STAT6: variants seen among roughly 807,000 people sequenced by gnomAD.
The protein encoded by STAT6 is signal transducer and activator of transcription 6.
Under a neutral mutation model 106.3 loss-of-function variants are expected in STAT6, and 45 were observed. That is an observed-to-expected ratio of 0.42 (90% confidence interval 0.33 to 0.54). The LOEUF is 0.54. STAT6 is among the 20% of genes least tolerant of loss of function. The pLI, the probability that STAT6 is intolerant of heterozygous loss-of-function variation, is 0.06. For synonymous variants in STAT6, 413 were observed against 413.6 expected, an observed-to-expected ratio of 1.00 and a Z score of 0.02; for missense variants, 797 against 1,062.2, an observed-to-expected ratio of 0.75 and a Z score of 3.47.
chr12:57,099,680 C>A lies in STAT6; in HGVS notation c.1744+87G>T. ...AGAACTTCCTGAAGATCAGGATCGG[C>A]ATCAGGAAGGTCAGGACATTTCATT... On this transcript the variant is annotated intron_variant, in intron 15 of 21. Coordinates refer to ENST00000300134, the MANE Select transcript of STAT6 (RefSeq NM_003153.5). The surrounding 1 kb of genome is among the most constrained non-coding windows in gnomAD (Gnocchi z 4.7). The A allele has an allele frequency of 2.6e-6, 4 of 1,567,690 alleles. No individual in the cohort carries two copies. Among genetic ancestry groups the A allele is most frequent in the Non-Finnish European group, 3.5e-6 (4 of 1,150,722 alleles).
intron 13 of STAT6, chr12:57,100,894 C>T (rs1171125024): frequency 2.2e-6 from 1 of 455,390 alleles, no homozygotes; most frequent in Non-Finnish European, 4.4e-6. Context: ...GCATCAGATT[C>T]CTCATCTGTA....
Position 57,108,201 on chromosome 12 carries a change from C to T in STAT6, c.78G>A (p.Leu26=), listed in dbSNP as rs150870444. Residue 26 remains leucine (L), a synonymous_variant, in exon 2 of 22, where the codon CTG becomes CTA. Transcript: ENST00000300134. ...QRLYVDFPQH[L]RHLLGDWLES... ...CCAGCCAGTCACCCAGAAGATGCCGCAGGTGTTGGGGAAAGTCGACATAGA... is the reference window on the plus strand; with the variant it reads ...CCAGCCAGTCACCCAGAAGATGCCGTAGGTGTTGGGGAAAGTCGACATAGA... 145 of 1,612,840 alleles carry T rather than the reference C, an allele frequency of 9.0e-5. No individual in the cohort carries two copies. The highest frequency in any genetic ancestry group is 4.9e-4 in the Middle Eastern group (3 of 6,062).
rs770378890 is a variant in STAT6, at chr12:57,102,917, A to G, written c.1217T>C (p.Leu406Pro). 3 of 1,571,638 alleles carry G rather than the reference A, an allele frequency of 1.9e-6. No homozygotes were observed. Among genetic ancestry groups the G allele is most frequent in the Non-Finnish European group, 2.6e-6 (3 of 1,158,342 alleles). Residue 406 changes from leucine to proline, a missense_variant, in exon 12 of 22, where the codon CTG (leucine) becomes CCG (proline). This residue lies in a region of STAT6 where 222 missense variants were observed against 354.6 expected (regional missense o/e 0.63). Transcript: ENST00000300134. ...GACGATGACCACCAGGGGCAGAGAC[A>G]GGGCCTGAAGAGGGTGAGGACAGGG... ...PGKLPIQLQA[L>P]SLPLVVIVHG... is the part of the protein sequence containing the mutation.
chr12:57,100,702 G>GAA (rs869076345), intron 13 of STAT6: 8 of 55,500 alleles, frequency 1.4e-4, no homozygotes, highest in African/African-American at 5.7e-4. Flanking sequence ...GAAAGAAAGA[G>GAA]AAAGAAAGAA....
chr12:57,108,037 A>T, intron 2 of STAT6, 126 bp downstream of exon 2: 1 of 691,208 alleles, frequency 1.4e-6, no homozygotes, highest in South Asian at 1.8e-5. Flanking sequence ...TGCTAAATCT[A>T]GGTCACTACA....
Position 57,096,959 on chromosome 12 carries a change from G to C in STAT6, c.2245C>G (p.Pro749Ala). 2.5e-6 allele frequency: 4 copies of C among 1,613,746 alleles called. No homozygotes were observed. Among genetic ancestry groups the C allele is most frequent in the Non-Finnish European group, 3.4e-6 (4 of 1,179,804 alleles). The change falls in exon 21 of 22, where the codon CCT becomes GCT. Residue 749 changes from proline (P) to alanine (A), a missense_variant. Pro to Ala is a conservative substitution (Grantham distance 27, BLOSUM62 -1). Around this residue, in one of 4 missense-constraint regions of STAT6, gnomAD observed 226 missense variants for 236.7 expected, o/e 0.95. Transcript: ENST00000300134. ...GGGCTGGACACAGCATGCTCCTGAG[G>C]CTGGCACGGCAGCAGGCCCCTGCCA... is the stretch of plus-strand genomic sequence containing the variant. ...PHPQGLLPCQ[P>A]QEHAVSSPDP...
At position 57,104,509 on chromosome 12, in the gene STAT6, A is replaced by C; in HGVS notation, c.1167T>G (p.Ser389=). The change falls in exon 11 of 22, where the codon TCT becomes TCG. Residue 389 remains serine, a synonymous_variant. Coordinates refer to ENST00000300134, the MANE Select transcript of STAT6 (RefSeq NM_003153.5). ...VTEEKCAVLF[S]ASFTLGPGKL... Reference sequence around the variant, plus strand: ...TGCCGGGGCCAAGTGTGAAGCTGGCAGAGAAGAGCACAGCGCACTTCTCCT... The same window carrying C: ...TGCCGGGGCCAAGTGTGAAGCTGGCCGAGAAGAGCACAGCGCACTTCTCCT... 6.2e-7 allele frequency: 1 copy of C among 1,613,200 alleles called. No individual in the cohort carries two copies. Among genetic ancestry groups the C allele is most frequent in the Non-Finnish European group, 8.5e-7 (1 of 1,179,740 alleles).
intron 17 of STAT6, 50 bp downstream of exon 17, chr12:57,098,965 G>C: frequency 6.2e-7 from 1 of 1,613,388 alleles, no homozygotes; most frequent in Non-Finnish European, 8.5e-7. Context: ...CCTTCCTGCA[G>C]ATAAGCACTA....
chr12:57,100,706 GAAAGAAAGAA>G (rs1262315280), intron 13 of STAT6: 600 of 45,838 alleles, frequency 0.013, 6 homozygotes, highest in South Asian at 0.017. Flanking sequence ...GAAAGAGAAA[GAAAGAAAGAA>G]AGAAAGAAAG....
chr12:57,111,115 A>AGGCAACCCCTCACCTC lies in STAT6; in HGVS notation c.-24_-22+13dup, dbSNP rs1721903466. ...ATAGAGGCCCCCGCACCCACCTCGG[A>AGGCAACCCCTCACCTC]GGCAACCCCTCACCTCGGCAACCCC... On this transcript the variant is annotated intron_variant, in intron 1 of 21. Coordinates refer to ENST00000300134, the MANE Select transcript of STAT6 (RefSeq NM_003153.5). The AGGCAACCCCTCACCTC allele has an allele frequency of 7.0e-6, 1 of 143,448 alleles. No homozygotes were observed. The allele number at this position is 143,448 out of a possible 1,614,324, so 8.9% of individuals were successfully genotyped here.
At chr12:57,102,943 GTTTCTTTTCTTTCTTTCTTTCCTTTTT>G (rs769816481) in intron 11 of STAT6, 22 bp from the exon 12 acceptor site, 4 of 1,216,250 alleles carry the variant, frequency 3.3e-6, no homozygotes, top group South Asian at 2.9e-5. Context: ...GAGGACAGGG[GTTTCTTTTCTTTCTTTCTTTCCTTTTT>G]TTTTTTTTTT....
Position 57,104,809 on chromosome 12 carries a change from T to TTTC in STAT6, c.1003_1005dup (p.Glu335dup). ...GTGTTGTTGATGATTTCTCCAGTGC[T>TTTC]TTCTCTGCCAGGGGAGGTCAGAGTG... On this transcript the variant is annotated inframe_insertion, in exon 10 of 22. Transcript: ENST00000300134. The TTTC allele has an allele frequency of 6.2e-7, 1 of 1,614,138 alleles. No homozygotes were observed. The highest frequency in any genetic ancestry group is 8.5e-7 in the Non-Finnish European group (1 of 1,180,020).
intron 4 of STAT6, 105 bp downstream of exon 4, chr12:57,107,126 A>G: frequency 7.8e-7 from 1 of 1,284,366 alleles, no homozygotes; most frequent in Non-Finnish European, 1.1e-6. Context: ...TCCTGGGCCT[A>G]GAACACTGAG....
In STAT6 at chr12:57,098,819, A is replaced by C. The variant is rs1309908098; in HGVS notation, c.2039T>G (p.Met680Arg). 3 of 1,613,636 alleles carry C rather than the reference A, an allele frequency of 1.9e-6. No individual in the cohort carries two copies. The highest frequency in any genetic ancestry group is 2.7e-5 in the African/African-American group (2 of 75,020). ...YDLGMAPDSSMSMQLGPDMVP... is the reference protein window; with the variant it reads ...YDLGMAPDSSRSMQLGPDMVP... ...CATATCTGGGCCAAGCTGCATGCTC[A>C]TGGAGGAATCAGGGGCCATTCCAAG... The change falls in exon 18 of 22, where the codon ATG (methionine) becomes AGG (arginine). Residue 680 changes from methionine (M) to arginine (R), a missense_variant. Transcript: ENST00000300134.
At chr12:57,105,017 T>C in intron 9 of STAT6, 134 bp downstream of exon 9, 1 of 1,283,306 alleles carries the variant, frequency 7.8e-7, no homozygotes, top group Non-Finnish European at 1.1e-6. Flanking sequence ...CCCTTTCCTC[T>C]GCCTTGACCA....
At chr12:57,107,369 T>C in intron 3 of STAT6, 55 bp from the exon 4 acceptor site, 1 of 1,518,050 alleles carries the variant, frequency 6.6e-7, no homozygotes, top group Non-Finnish European at 9.1e-7. Context: ...TGTCCTTCAA[T>C]CCCTCCAATC....
At chr12:57,100,674 AAGAAAGAAAGAAAGAAAGAAAGAAAG>A (rs2033803498) in intron 13 of STAT6, among the ~76,000 whole-genome samples, 4 of 62,810 alleles carry the variant, frequency 6.4e-5, no homozygotes, top group East Asian at 3.1e-4. Context: ...GAAAGAAAGA[AAGAAAGAAAGAAAGAAAGAAAGAAAG>A]AGAAAGAAAG....
At chr12:57,103,064 C>G in intron 11 of STAT6, 143 bp from the exon 12 acceptor site, 1 of 563,256 alleles carries the variant, frequency 1.8e-6, no homozygotes, top group Non-Finnish European at 2.9e-6. Flanking sequence ...AGTGCAATCT[C>G]AGCTCACTGC....
At position 57,099,108 on chromosome 12, in the gene STAT6, A is replaced by G. The variant is rs377612198; in HGVS notation, c.1892-30T>C. Reference sequence around the variant, plus strand: ...TGTGAGAAGGAAAAGACAGCCATGGAGTGCTCTGGGGTTAGGGAGGAAGGG... The same window carrying G: ...TGTGAGAAGGAAAAGACAGCCATGGGGTGCTCTGGGGTTAGGGAGGAAGGG... On this transcript the variant is annotated intron_variant, in intron 16 of 21. Transcript: ENST00000300134. This position sits in a 1 kb window ranked among gnomAD's most constrained non-coding sequence, Gnocchi z 4.7. The G allele has an allele frequency of 1.9e-6, 3 of 1,613,706 alleles. No individual in the cohort carries two copies. The highest frequency in any genetic ancestry group is 1.3e-5 in the African/African-American group (1 of 74,866).
Sources: allele counts gnomAD v4.1 joint callset (sites outside exome capture counted in the v4.1 genomes callset), GRCh38; gene constraint gnomAD v4.1.1; regional missense constraint gnomAD v4.1.1; non-coding constraint Gnocchi (gnomAD v3.1); transcripts MANE v1.5; gene names NCBI Gene and HGNC (gene_info 2026-07-23, HGNC 2026-07-21).